The following MAF variants were observed in gnomAD, a reference collection of about 807,000 sequenced individuals.
MAF encodes the protein MAF bZIP transcription factor.
In MAF, 10 loss-of-function variants were observed where a neutral mutation model predicts 22.0. The observed-to-expected ratio is 0.45, with a 90% CI of 0.28 to 0.77. The LOEUF is 0.77. Among genes scored for constraint, MAF ranks in the 30% least tolerant of loss-of-function variants. The pLI is 0.12. For synonymous variants in MAF, 337 were observed against 255.8 expected, an observed-to-expected ratio of 1.32 and a Z score of -3.03; for missense variants, 544 against 548.4, an observed-to-expected ratio of 0.99 and a Z score of 0.08.
At chr16:79,246,538 T>TG in the MAF span, among the ~76,000 whole-genome samples, 1 of 59,740 alleles carries the variant, frequency 1.7e-5, no homozygotes, top group African/African-American at 7.6e-5. Flanking sequence ...GCAGGTTTTT[T>TG]TTGGGGGGGG....
At chr16:79,269,041 AC>A in the MAF span, among the ~76,000 whole-genome samples, 1 of 152,116 alleles carries the variant, frequency 6.6e-6, no homozygotes, top group South Asian at 2.1e-4. Context: ...CAATCTTTCT[AC>A]CTTTTCTTGG....
the MAF span, among the ~76,000 whole-genome samples, chr16:79,277,202 A>G: frequency 6.6e-6 from 1 of 152,094 alleles, no homozygotes; most frequent in East Asian, 1.9e-4. Flanking sequence ...TGAATCTAGG[A>G]CACGTGCAGT....
downstream of MAF, among the ~76,000 whole-genome samples, chr16:79,583,708 C>G (rs1202324145): frequency 6.6e-6 from 1 of 152,210 alleles, no homozygotes; most frequent in Non-Finnish European, 1.5e-5. Flanking sequence ...GTCTCCTTGT[C>G]ACAACTCAAG....
intron 1 of MAF, chr16:79,596,185 G>C: frequency 9.4e-7 from 1 of 1,062,312 alleles, no homozygotes; most frequent in Non-Finnish European, 1.1e-6. Flanking sequence ...AGGAAGCCTA[G>C]TTCCACTGTT....
At chr16:79,233,137 G>A in the MAF span, among the ~76,000 whole-genome samples, 5 of 151,968 alleles carry the variant, frequency 3.3e-5, no homozygotes, top group African/African-American at 1.2e-4. Context: ...ACCGCGCCCG[G>A]CCTTGATAGG....
chr16:79,510,883 G>C, the MAF span, among the ~76,000 whole-genome samples: 1 of 152,230 alleles, frequency 6.6e-6, no homozygotes, highest in African/African-American at 2.4e-5. Flanking sequence ...GTCTATATGT[G>C]TGGTTGGGAC....
the MAF span, among the ~76,000 whole-genome samples, chr16:79,434,283 C>G: frequency 1.3e-5 from 2 of 152,234 alleles, no homozygotes; most frequent in Admixed American, 1.3e-4. Flanking sequence ...GTGAAGCTCA[C>G]ACATACACAC....
the MAF span, among the ~76,000 whole-genome samples, chr16:79,299,883 G>C: frequency 6.6e-6 from 1 of 152,184 alleles, no homozygotes; most frequent in Non-Finnish European, 1.5e-5. Flanking sequence ...CTCTGGCCCA[G>C]AGCCATCTCT....
At chr16:79,256,870 A>T in the MAF span, among the ~76,000 whole-genome samples, 23 of 152,122 alleles carry the variant, frequency 1.5e-4, no homozygotes, top group Non-Finnish European at 2.8e-4. Context: ...ACACAAACAC[A>T]CACACAAACC....
At chr16:79,408,920 T>C in the MAF span, among the ~76,000 whole-genome samples, 1 of 150,646 alleles carries the variant, frequency 6.6e-6, no homozygotes, top group Non-Finnish European at 1.5e-5. Flanking sequence ...AATATTTTTA[T>C]TGTAACTGTA....
chr16:79,388,884 G>C, the MAF span, among the ~76,000 whole-genome samples: 1 of 152,152 alleles, frequency 6.6e-6, no homozygotes, highest in African/African-American at 2.4e-5. Flanking sequence ...TAATCCTAAA[G>C]CCAGAACTCA....
the MAF span, among the ~76,000 whole-genome samples, chr16:79,304,672 C>T: frequency 6.6e-6 from 1 of 152,140 alleles, no homozygotes; most frequent in Non-Finnish European, 1.5e-5. Context: ...TCAAGCCAGA[C>T]AACCAGACCC....
the MAF span, among the ~76,000 whole-genome samples, chr16:79,374,435 C>T: frequency 3.9e-5 from 6 of 152,220 alleles, no homozygotes; most frequent in African/African-American, 1.4e-4. Context: ...GTTCCCTCCC[C>T]TACATTTCTC....
intron 1 of MAF, chr16:79,596,518 T>C: frequency 1.9e-6 from 2 of 1,050,228 alleles, no homozygotes; most frequent in Non-Finnish European, 2.3e-6. Context: ...ATTATTCTTT[T>C]CTTGATATAA....
At chr16:79,485,018 A>C in the MAF span, among the ~76,000 whole-genome samples, 1 of 152,222 alleles carries the variant, frequency 6.6e-6, no homozygotes, top group African/African-American at 2.4e-5. Context: ...TTATCTATAA[A>C]AATGGACATC....
At chr16:79,380,030 C>A in the MAF span, among the ~76,000 whole-genome samples, 1 of 152,202 alleles carries the variant, frequency 6.6e-6, no homozygotes, top group African/African-American at 2.4e-5. Flanking sequence ...AACACGCACA[C>A]TCCCTTCTCA....
At chr16:79,247,265 A>T in the MAF span, among the ~76,000 whole-genome samples, 1 of 152,232 alleles carries the variant, frequency 6.6e-6, no homozygotes, top group African/African-American at 2.4e-5. Flanking sequence ...AAAGGAGAAT[A>T]GTTTAAGAAG....
chr16:79,504,721 GATATAAAATGA>G, the MAF span, among the ~76,000 whole-genome samples: 1 of 152,158 alleles, frequency 6.6e-6, no homozygotes, highest in East Asian at 1.9e-4. Context: ...ATGATGGATG[GATATAAAATGA>G]AACTATGTCT....
chr16:79,400,190 C>A, the MAF span, among the ~76,000 whole-genome samples: 76 of 152,278 alleles, frequency 5.0e-4, no homozygotes, highest in African/African-American at 1.8e-3. Context: ...CAGACCCCAC[C>A]ACAAAGAATG....
Sources: gnomAD v4.1 joint callset for allele counts (sites outside exome capture counted in the v4.1 genomes callset) on GRCh38, gnomAD v4.1.1 for gene constraint, MANE v1.5 for transcripts, NCBI Gene and HGNC (gene_info 2026-07-23, HGNC 2026-07-21) for gene names.